The following BAG2 variants were observed in gnomAD, a reference collection of about 807,000 sequenced individuals.
The protein encoded by BAG2 is BAG family molecular chaperone regulator 2.
A neutral mutation model predicts 16.4 loss-of-function variants in BAG2; 8 were observed. The ratio of observed to expected loss-of-function variants is 0.49; its 90% CI spans 0.29 to 0.88. The LOEUF is 0.88. Among genes scored for constraint, BAG2 ranks in the 40% least tolerant of loss-of-function variants. The pLI, the probability that BAG2 is intolerant of heterozygous loss-of-function variation, is 0.09. For missense variants in BAG2, 218 were observed against 248.9 expected (o/e 0.88, Z 0.84); for synonymous variants, 82 against 89.2 (o/e 0.92, Z 0.46).
At chr6:57,180,595 A>C (rs952133178) in intron 1 of BAG2, among the ~76,000 whole-genome samples, 1 of 152,128 alleles carries the variant, frequency 6.6e-6, no homozygotes, top group African/African-American at 2.4e-5. Context: ...TATTTGGAAG[A>C]AAAAAACAAA....
intron 2 of BAG2, among the ~76,000 whole-genome samples, chr6:57,183,032 T>TG (rs1764511837): frequency 6.6e-6 from 1 of 152,214 alleles, no homozygotes; most frequent in Non-Finnish European, 1.5e-5. Context: ...ACTTCCTACT[T>TG]GGGCTCCTTT....
chr6:57,173,191 T>G (rs1313983717), intron 1 of BAG2: 36 of 997,810 alleles, frequency 3.6e-5, no homozygotes, highest in Non-Finnish European at 4.2e-5. Context: ...ACCTTCTGTG[T>G]GGCCCCAAAC....
At position 57,186,152 on chromosome 6, in the gene BAG2, GCTGT is replaced by G. The variant is rs1415171654; in HGVS notation, c.*1966_*1969del. The G allele has an allele frequency of 6.6e-6, 1 of 152,258 alleles. No homozygotes were observed. Among genetic ancestry groups the G allele is most frequent in the African/African-American group, 2.4e-5 (1 of 41,366 alleles). The allele number at this position is 152,258 out of a possible 1,614,324, so 9.4% of individuals were successfully genotyped here. The stretch of plus-strand genomic sequence containing the variant: ...TTTGGAGTCTTGCTCTGTCACCCAG[GCTGT>G]CTGACAAGTAGAAGACATATCCACT... On this transcript the variant is annotated 3_prime_UTR_variant, in exon 3 of 3. Coordinates refer to ENST00000370693, the MANE Select transcript of BAG2 (RefSeq NM_004282.4).
chr6:57,188,205 T>C lies in BAG2; in HGVS notation c.*4015T>C, dbSNP rs1286265175. On this transcript the variant is annotated 3_prime_UTR_variant, in exon 3 of 3. Transcript: ENST00000370693. ...GGTCTTGGAAAAAAAATGTCAATTTTTGAAGGCTTTAAGAATTGATTAAAT... is the reference window on the plus strand; with the variant it reads ...GGTCTTGGAAAAAAAATGTCAATTTCTGAAGGCTTTAAGAATTGATTAAAT... 1 of 152,188 alleles carries C rather than the reference T, an allele frequency of 6.6e-6. No individual in the cohort carries two copies. Among genetic ancestry groups the C allele is most frequent in the African/African-American group, 2.4e-5 (1 of 41,450 alleles). 9.4% of individuals were successfully genotyped at this position (152,188 alleles called of 1,614,324 possible).
At chr6:57,182,007 C>T (rs1433367930) in intron 1 of BAG2, 25 bp from the exon 2 acceptor site, 18 of 1,592,834 alleles carry the variant, frequency 1.1e-5, no homozygotes, top group African/African-American at 1.3e-5. Flanking sequence ...ATACAATAAC[C>T]GTTTTGTTTT....
chr6:57,182,028 A>G lies in BAG2; in HGVS notation c.114-4A>G, dbSNP rs778577656. On this transcript the variant is annotated splice_region_variant and splice_polypyrimidine_tract_variant and intron_variant, in intron 1 of 2. Transcript: ENST00000370693. ...TAACCGTTTTGTTTTCCCAATTTCT[A>G]TAGGGTTGAAGCTTTGAGAGAAGCA... The G allele has an allele frequency of 1.7e-5, 28 of 1,612,720 alleles. No homozygotes were observed. Among genetic ancestry groups the G allele is most frequent in the African/African-American group, 5.3e-5 (4 of 74,884 alleles).
intron 2 of BAG2, among the ~76,000 whole-genome samples, chr6:57,182,733 C>G (rs1036041439): frequency 3.9e-5 from 6 of 152,226 alleles, no homozygotes; most frequent in Middle Eastern, 3.4e-3. Flanking sequence ...TCACTGCAAC[C>G]TCTGCCTCCT....
intron 1 of BAG2, chr6:57,174,201 A>T: frequency 1.8e-6 from 2 of 1,084,952 alleles, no homozygotes; most frequent in South Asian, 2.6e-5. Context: ...GTTTCTTTTT[A>T]GGGAGCCACA....
chr6:57,176,428 C>A (rs1431549911), intron 1 of BAG2, among the ~76,000 whole-genome samples: 1 of 152,170 alleles, frequency 6.6e-6, no homozygotes, highest in Non-Finnish European at 1.5e-5. Flanking sequence ...AAAATTCAAT[C>A]TAAATTGGCC....
chr6:57,184,036 G>C lies in BAG2; in HGVS notation c.482G>C (p.Gly161Ala), dbSNP rs745899556. The C allele has an allele frequency of 6.2e-7, 1 of 1,612,898 alleles. No individual in the cohort carries two copies. The highest frequency in any genetic ancestry group is 1.1e-5 in the South Asian group (1 of 90,690). The change falls in exon 3 of 3, where the codon GGC becomes GCC. Residue 161 changes from glycine (G) to alanine (A), a missense_variant. Transcript: ENST00000370693. ...VDQKFQSIVI[G>A]CALEDQKKIK... ...CAGAAGTTTCAATCCATAGTAATTGGCTGTGCTCTTGAAGATCAGAAGAAA... is the reference window on the plus strand; with the variant it reads ...CAGAAGTTTCAATCCATAGTAATTGCCTGTGCTCTTGAAGATCAGAAGAAA...
rs182722387 is a variant in BAG2, at chr6:57,185,489, C to T, written c.*1299C>T. On this transcript the variant is annotated 3_prime_UTR_variant, in exon 3 of 3. Transcript: ENST00000370693. ...ACTGACTTTATGTATGTATATATCT[C>T]TCAATGCAAGCAATATCAAACTTCA... 6.6e-5 allele frequency: 10 copies of T among 152,310 alleles called. No homozygotes were observed. Among genetic ancestry groups the T allele is most frequent in the Admixed American group, 5.2e-4 (8 of 15,304 alleles). 9.4% of individuals were successfully genotyped at this position (152,310 alleles called of 1,614,324 possible).
At chr6:57,172,920 G>A (rs1764166697) in intron 1 of BAG2, 110 bp downstream of exon 1, 1 of 984,702 alleles carries the variant, frequency 1.0e-6, no homozygotes, top group Non-Finnish European at 1.4e-6. Context: ...GGCACAGTGA[G>A]GCTGCGGCAA....
intron 1 of BAG2, 101 bp downstream of exon 1, chr6:57,172,911 G>C: frequency 2.0e-6 from 2 of 1,020,454 alleles, no homozygotes; most frequent in South Asian, 2.0e-5. Context: ...GGGGCCTGGG[G>C]CACAGTGAGG....
At position 57,183,886 on chromosome 6, in the gene BAG2, A is replaced by C; in HGVS notation, c.332A>C (p.Lys111Thr). 1 of 1,614,138 alleles carries C rather than the reference A, an allele frequency of 6.2e-7. No homozygotes were observed. The highest frequency in any genetic ancestry group is 8.5e-7 in the Non-Finnish European group (1 of 1,180,016). ...IRNPQQQESL[K>T]HATRIIDEVV... ...AACCCCCAGCAGCAAGAATCCCTAAAGCATGCCACAAGGATTATTGATGAG... is the reference window on the plus strand; with the variant it reads ...AACCCCCAGCAGCAAGAATCCCTAACGCATGCCACAAGGATTATTGATGAG... Residue 111 changes from lysine to threonine, a missense_variant, in exon 3 of 3, where the codon AAG becomes ACG. Around this residue, in one of 3 missense-constraint regions of BAG2, gnomAD observed 113 missense variants for 128.0 expected, o/e 0.88. Coordinates refer to ENST00000370693, the MANE Select transcript of BAG2 (RefSeq NM_004282.4).
At position 57,189,689 on chromosome 6, in the gene BAG2, T is replaced by A. The variant is rs535019953; in HGVS notation, c.*5499T>A. ...AACTGCTTACTGCTTTTAAAAGATA[T>A]AATAAACAATATAAATTCTGATAGT... On this transcript the variant is annotated 3_prime_UTR_variant, in exon 3 of 3. Coordinates refer to ENST00000370693, the MANE Select transcript of BAG2 (RefSeq NM_004282.4). 2.6e-4 allele frequency: 39 copies of A among 152,792 alleles called. No homozygotes were observed. The highest frequency in any genetic ancestry group is 9.1e-4 in the African/African-American group (38 of 41,576). 9.5% of individuals were successfully genotyped at this position (152,792 alleles called of 1,614,324 possible). A position where few individuals can be genotyped will look rare whatever the true frequency, so the allele number is the denominator to read the frequency against.
chr6:57,172,892 T>G, intron 1 of BAG2, 82 bp downstream of exon 1: 2 of 1,235,650 alleles, frequency 1.6e-6, no homozygotes, highest in Admixed American at 3.7e-5. Flanking sequence ...AGGCCGCGTG[T>G]GGCGGGCCGG....
intron 1 of BAG2, 32 bp from the exon 2 acceptor site, chr6:57,182,000 C>T (rs746743643): frequency 6.3e-6 from 10 of 1,581,916 alleles, no homozygotes; most frequent in Non-Finnish European, 8.7e-6. Context: ...ATCCTGCATA[C>T]AATAACCGTT....
In BAG2 at chr6:57,186,927, A is replaced by C. The variant is rs1362692370; in HGVS notation, c.*2737A>C. On this transcript the variant is annotated 3_prime_UTR_variant, in exon 3 of 3. Coordinates refer to ENST00000370693, the MANE Select transcript of BAG2 (RefSeq NM_004282.4). ...TTTAGGTTGCTTTGATCTTTAAAGAAGTTGCATTATATATTTTACTATTTA... is the reference window on the plus strand; with the variant it reads ...TTTAGGTTGCTTTGATCTTTAAAGACGTTGCATTATATATTTTACTATTTA... The C allele has an allele frequency of 6.6e-6, 1 of 152,008 alleles. No homozygotes were observed. The highest frequency in any genetic ancestry group is 2.4e-5 in the African/African-American group (1 of 41,370). The allele number at this position is 152,008 out of a possible 1,614,324, so 9.4% of individuals were successfully genotyped here.
intron 2 of BAG2, among the ~76,000 whole-genome samples, chr6:57,183,231 G>A (rs904816546): frequency 6.6e-6 from 1 of 152,142 alleles, no homozygotes; most frequent in Non-Finnish European, 1.5e-5. Flanking sequence ...TATAAATAAT[G>A]AAATGTTGAT....
Sources: allele counts gnomAD v4.1 joint callset (sites outside exome capture counted in the v4.1 genomes callset), GRCh38; gene constraint gnomAD v4.1.1; regional missense constraint gnomAD v4.1.1; transcripts MANE v1.5; gene names NCBI Gene and HGNC (gene_info 2026-07-23, HGNC 2026-07-21).